RUNX1: variants seen among roughly 807,000 people sequenced by gnomAD.
RUNX1 encodes runt-related transcription factor 1.
A neutral mutation model predicts 42.8 loss-of-function variants in RUNX1; 19 were observed. The observed-to-expected ratio is 0.44, with a 90% CI of 0.31 to 0.65. The LOEUF is 0.65. RUNX1 is among the 30% of genes least tolerant of loss of function. The probability of loss-of-function intolerance (pLI) is 0.07; values close to 1 mark genes in which losing one functional copy is unlikely to be tolerated. For synonymous variants in RUNX1, 271 were observed against 289.4 expected (o/e 0.94, Z 0.64); for missense variants, 528 against 672.0 (o/e 0.79, Z 2.37).
rs751800000 is a variant in RUNX1 at position 35,048,873 on chromosome 21, T to C, written c.27A>G (p.Ser9=). The C allele has an allele frequency of 1.2e-6, 2 of 1,613,898 alleles. No homozygotes were observed. Among genetic ancestry groups the C allele is most frequent in the African/African-American group, 2.7e-5 (2 of 74,888 alleles). Residue 9 remains serine (S), a synonymous_variant, in exon 2 of 9, where the codon TCA becomes TCG. Transcript: ENST00000675419. The part of the protein sequence containing the change: MASDSIFE[S]FPSYPQCFMR... Reference sequence around the variant, plus strand: ...TGAAGCACTGTGGGTACGAAGGAAATGACTCAAATATGCTGTCTGAAGCCA... The same window carrying C: ...TGAAGCACTGTGGGTACGAAGGAAACGACTCAAATATGCTGTCTGAAGCCA...
intron 2 of RUNX1, among the ~76,000 whole-genome samples, chr21:35,037,250 A>T (rs753364670): frequency 2.0e-5 from 3 of 152,166 alleles, no homozygotes; most frequent in Non-Finnish European, 4.4e-5. Context: ...CCAGCATGTC[A>T]CCATCGTCTT....
intron 2 of RUNX1, among the ~76,000 whole-genome samples, chr21:35,027,430 A>G (rs1057022840): frequency 2.0e-5 from 3 of 152,198 alleles, no homozygotes; most frequent in African/African-American, 7.2e-5. Flanking sequence ...CAAAGACCAC[A>G]CTGTGAATAG....
At chr21:35,001,455 G>A (rs2059043076) in intron 2 of RUNX1, among the ~76,000 whole-genome samples, 1 of 151,596 alleles carries the variant, frequency 6.6e-6, no homozygotes, top group African/African-American at 2.4e-5. Flanking sequence ...CTTTTTAATT[G>A]CCCAAATAAA....
chr21:34,847,100 G>A (rs1045147209), intron 6 of RUNX1, among the ~76,000 whole-genome samples: 2 of 152,170 alleles, frequency 1.3e-5, no homozygotes, highest in Admixed American at 1.3e-4. Flanking sequence ...CAAGCCTTCT[G>A]GTTCTGTGAG....
At chr21:34,909,478 A>G (rs1170363658) in intron 2 of RUNX1, among the ~76,000 whole-genome samples, 1 of 151,348 alleles carries the variant, frequency 6.6e-6, no homozygotes, top group East Asian at 1.9e-4. Context: ...ATAGATGAAG[A>G]AGGTGGTACT....
intron 2 of RUNX1, among the ~76,000 whole-genome samples, chr21:34,983,586 G>T (rs1229563031): frequency 6.6e-6 from 1 of 152,160 alleles, no homozygotes; most frequent in Non-Finnish European, 1.5e-5. Flanking sequence ...TGTGTGCTGG[G>T]AGTACAACAA....
intron 2 of RUNX1, among the ~76,000 whole-genome samples, chr21:34,991,232 T>C (rs2058935306): frequency 6.6e-6 from 1 of 152,178 alleles, no homozygotes; most frequent in Non-Finnish European, 1.5e-5. Context: ...TACCTGCCCC[T>C]AGATCCCTGG....
rs1365797624 is a variant in RUNX1, at chr21:35,025,462, TC to T, written c.58+23379del. Among the ~76,000 whole-genome samples the T allele has an allele frequency of 2.6e-5, 4 of 152,206 alleles. No individual in the cohort carries two copies. The South Asian group carries it at 8.3e-4, about 32-fold the overall frequency. ...CACCAGATTCAAGAGAGAGCCAAGTTCCCCAACAGGCTATGCACGTGGCTAT... is the reference window on the plus strand; with the variant it reads ...CACCAGATTCAAGAGAGAGCCAAGTTCCCAACAGGCTATGCACGTGGCTAT... On this transcript the variant is annotated intron_variant, in intron 2 of 8. Transcript: ENST00000675419.
intron 2 of RUNX1, among the ~76,000 whole-genome samples, chr21:34,928,446 C>A (rs957220209): frequency 2.6e-5 from 4 of 152,108 alleles, no homozygotes; most frequent in African/African-American, 9.7e-5. Flanking sequence ...GTAATACAAG[C>A]ACTTTGGGAG....
chr21:35,010,063 T>C, intron 2 of RUNX1, among the ~76,000 whole-genome samples: 1 of 152,156 alleles, frequency 6.6e-6, no homozygotes, highest in East Asian at 1.9e-4. Context: ...AATGAGGGCC[T>C]AGGTTAGAAC....
chr21:34,990,854 G>A (rs1214683128), intron 2 of RUNX1, among the ~76,000 whole-genome samples: 2 of 152,154 alleles, frequency 1.3e-5, no homozygotes, highest in African/African-American at 4.8e-5. Context: ...GCCTTCCAAA[G>A]TGCTGGGATT....
At chr21:35,047,551 ACACACACACACT>A (rs1455954748) in intron 2 of RUNX1, among the ~76,000 whole-genome samples, 1,588 of 94,756 alleles carry the variant, frequency 0.017, 8 homozygotes, top group Middle Eastern at 0.03. Flanking sequence ...ACACACACAC[ACACACACACACT>A]CTCTCTCTCT....
At chr21:34,914,948 C>T (rs2058300583) in intron 2 of RUNX1, among the ~76,000 whole-genome samples, 1 of 152,192 alleles carries the variant, frequency 6.6e-6, no homozygotes, top group African/African-American at 2.4e-5. Context: ...CCACTTAAAC[C>T]TGATGCACAG....
intron 2 of RUNX1, among the ~76,000 whole-genome samples, chr21:34,906,310 G>A (rs770946672): frequency 6.6e-6 from 1 of 152,188 alleles, no homozygotes; most frequent in Middle Eastern, 3.2e-3. Flanking sequence ...TCCATTAAGT[G>A]TTGCTAGTCC....
chr21:34,882,856 C>T (rs867149118), intron 4 of RUNX1, among the ~76,000 whole-genome samples: 35 of 152,066 alleles, frequency 2.3e-4, no homozygotes, highest in Admixed American at 2.0e-3. Context: ...CTTCCTCATC[C>T]TCCTCTCCCT....
At chr21:35,041,439 G>C (rs926101793) in intron 2 of RUNX1, among the ~76,000 whole-genome samples, 1 of 151,958 alleles carries the variant, frequency 6.6e-6, no homozygotes, top group Non-Finnish European at 1.5e-5. Context: ...AATGTCTTGG[G>C]GAACTCATTG....
intron 2 of RUNX1, among the ~76,000 whole-genome samples, chr21:35,019,293 G>C (rs922861750): frequency 6.6e-6 from 1 of 152,176 alleles, no homozygotes; most frequent in Non-Finnish European, 1.5e-5. Flanking sequence ...TGAGTCCTCT[G>C]TAATGGCTCG....
intron 2 of RUNX1, among the ~76,000 whole-genome samples, chr21:34,986,075 T>C (rs544088246): frequency 4.6e-5 from 7 of 152,130 alleles, no homozygotes; most frequent in Non-Finnish European, 1.0e-4. Context: ...TTTTGCCATG[T>C]TGCCCAGGCT....
At chr21:34,825,236 T>C (rs1422053210) in intron 7 of RUNX1, among the ~76,000 whole-genome samples, 1 of 152,148 alleles carries the variant, frequency 6.6e-6, no homozygotes, top group Non-Finnish European at 1.5e-5. Context: ...ATGTCATCTT[T>C]TGTTCCCATT....
Sources: gnomAD v4.1 joint callset for allele counts (sites outside exome capture counted in the v4.1 genomes callset) on GRCh38, gnomAD v4.1.1 for gene constraint, MANE v1.5 for transcripts, NCBI Gene and HGNC (gene_info 2026-07-23, HGNC 2026-07-21) for gene names.